STRBP: variants seen among roughly 807,000 people sequenced by gnomAD.
STRBP encodes spermatid perinuclear RNA binding protein.
A neutral mutation model predicts 80.1 loss-of-function variants in STRBP; 13 were observed. The observed-to-expected ratio is 0.16, with a 90% CI of 0.11 to 0.26. STRBP has a LOEUF of 0.26. Among genes scored for constraint, STRBP ranks in the 10% least tolerant of loss-of-function variants. The probability of loss-of-function intolerance (pLI) is 1.00; values close to 1 mark genes in which losing one functional copy is unlikely to be tolerated. For synonymous variants in STRBP, 284 were observed against 291.2 expected (o/e 0.98, Z 0.25); for missense variants, 485 against 815.2 (o/e 0.59, Z 4.93).
chr9:123,218,457 C>T (rs1314377510), intron 2 of STRBP, among the ~76,000 whole-genome samples: 2 of 149,286 alleles, frequency 1.3e-5, no homozygotes, highest in South Asian at 2.1e-4. Context: ...GCAAGCTCCG[C>T]CTCCCGGGTT....
chr9:123,267,370 C>T (rs1456023129), intron 1 of STRBP, among the ~76,000 whole-genome samples: 1 of 152,012 alleles, frequency 6.6e-6, no homozygotes, highest in Non-Finnish European at 1.5e-5. Context: ...TCACCCTTCT[C>T]CTACTGTCCC....
chr9:123,158,284 G>A lies in STRBP; in HGVS notation c.933+48C>T. 5 of 1,589,912 alleles carry A rather than the reference G, an allele frequency of 3.1e-6. No individual in the cohort carries two copies. In the South Asian group the frequency reaches 4.4e-5, roughly 14 times the overall value. The stretch of plus-strand genomic sequence containing the variant: ...GTTTGAACACAATTGAGAAAATTAA[G>A]TTATGTTATTTCACTAATAAGTCAG... On this transcript the variant is annotated intron_variant, in intron 10 of 18. Transcript: ENST00000348403.
At chr9:123,140,140 T>A (rs140722419) in intron 13 of STRBP, among the ~76,000 whole-genome samples, 83 of 152,334 alleles carry the variant, frequency 5.4e-4, no homozygotes, top group African/African-American at 1.9e-3. Flanking sequence ...AAGACTATAC[T>A]GGTTGACCTC....
intron 1 of STRBP, among the ~76,000 whole-genome samples, chr9:123,267,398 C>T (rs991823873): frequency 9.2e-5 from 14 of 151,920 alleles, no homozygotes; most frequent in African/African-American, 3.4e-4. Flanking sequence ...CTCTGCAAGC[C>T]CTCAAACTAA....
intron 11 of STRBP, among the ~76,000 whole-genome samples, chr9:123,157,005 A>T (rs144759327): frequency 1.3e-5 from 2 of 152,174 alleles, no homozygotes; most frequent in African/African-American, 4.8e-5. Flanking sequence ...GCAACAAGTC[A>T]GGCATTTTAA....
chr9:123,168,548 T>C (rs1588033554), intron 6 of STRBP, among the ~76,000 whole-genome samples: 2 of 152,230 alleles, frequency 1.3e-5, no homozygotes, highest in Non-Finnish European at 2.9e-5. Flanking sequence ...CTGGTACCTT[T>C]TTCTCTACCC....
chr9:123,179,588 C>T (rs969106703), intron 3 of STRBP, among the ~76,000 whole-genome samples: 1 of 151,762 alleles, frequency 6.6e-6, no homozygotes, highest in South Asian at 2.1e-4. Context: ...CCAGCCTGGC[C>T]GACATGGTAA....
At chr9:123,161,855 C>T (rs917012538) in intron 6 of STRBP, among the ~76,000 whole-genome samples, 5 of 152,184 alleles carry the variant, frequency 3.3e-5, no homozygotes, top group Non-Finnish European at 7.3e-5. Flanking sequence ...TCACATGACA[C>T]TAAAGTCAAG....
chr9:123,200,824 G>A lies in STRBP; in HGVS notation c.-164-16526C>T, dbSNP rs558257423. Among the ~76,000 whole-genome samples the A allele has an allele frequency of 1.8e-4, 23 of 129,680 alleles. No homozygotes were observed. The South Asian group carries it at 4.7e-3, about 26-fold the overall frequency. 85.1% of individuals were successfully genotyped at this position (129,680 alleles called of 152,430 possible). On this transcript the variant is annotated intron_variant, in intron 2 of 18. Transcript: ENST00000348403. ...TCTCGATGTCCTGACCTCATGAGCC[G>A]CCCGCCTCGGCCTCCCAACATGCTG...
intron 4 of STRBP, among the ~76,000 whole-genome samples, chr9:123,176,731 C>CA (rs2038236185): frequency 6.6e-6 from 1 of 151,980 alleles, no homozygotes; most frequent in Non-Finnish European, 1.5e-5. Flanking sequence ...CATGATTGAG[C>CA]AAAAAATCAA....
At chr9:123,127,689 C>T (rs1387415190) in intron 18 of STRBP, among the ~76,000 whole-genome samples, 1 of 152,210 alleles carries the variant, frequency 6.6e-6, no homozygotes, top group Non-Finnish European at 1.5e-5. Context: ...AGTAAGACTG[C>T]TGGTGAAACC....
chr9:123,207,276 A>G (rs1388529304), intron 2 of STRBP, among the ~76,000 whole-genome samples: 1 of 152,222 alleles, frequency 6.6e-6, no homozygotes, highest in Non-Finnish European at 1.5e-5. Context: ...ATCACAAAAT[A>G]CTGGCAATCT....
At position 123,133,367 on chromosome 9, in the gene STRBP, G is replaced by A. The variant is rs553798962; in HGVS notation, c.1774-399C>T. 1.7e-4 allele frequency among the ~76,000 whole-genome samples: 26 copies of A among 152,256 alleles called. No individual in the cohort carries two copies. The South Asian group carries it at 3.9e-3, about 23-fold the overall frequency. Reference sequence around the variant, plus strand: ...CAACTAATTACATAGAATTAACTGCGAATCTGAGTGGGGCTAGTGGGGGGA... The same window carrying A: ...CAACTAATTACATAGAATTAACTGCAAATCTGAGTGGGGCTAGTGGGGGGA... On this transcript the variant is annotated intron_variant, in intron 16 of 18. Coordinates refer to ENST00000348403, the MANE Select transcript of STRBP (RefSeq NM_018387.5).
intron 17 of STRBP, among the ~76,000 whole-genome samples, chr9:123,129,050 T>C (rs2036018644): frequency 6.6e-6 from 1 of 152,174 alleles, no homozygotes. Flanking sequence ...TAGATATAGG[T>C]AATATGTAGA....
In STRBP at chr9:123,122,024, T is replaced by C. The variant is rs2035750638; in HGVS notation, c.*3573A>G. The C allele has an allele frequency of 4.9e-6, 1 of 203,848 alleles. No individual in the cohort carries two copies. Among genetic ancestry groups the C allele is most frequent in the South Asian group, 8.1e-5 (1 of 12,272 alleles). The allele number at this position is 203,848 out of a possible 1,614,324, so 12.6% of individuals were successfully genotyped here. A position where few individuals can be genotyped will look rare whatever the true frequency, so the allele number is the denominator to read the frequency against. On this transcript the variant is annotated 3_prime_UTR_variant, in exon 19 of 19. Coordinates refer to ENST00000348403, the MANE Select transcript of STRBP (RefSeq NM_018387.5). ...TGAGTAAAAAGCAGTTACAAGGGTA[T>C]TAAAACAAATGTTGAAAAATAACTA...
chr9:123,223,105 G>A (rs2040124500), intron 2 of STRBP, among the ~76,000 whole-genome samples: 1 of 149,514 alleles, frequency 6.7e-6, no homozygotes, highest in South Asian at 2.1e-4. Context: ...ATAAAAATGA[G>A]CTCATCTAAA....
At chr9:123,159,345 T>C in intron 8 of STRBP, 138 bp from the exon 9 acceptor site, 1 of 532,178 alleles carries the variant, frequency 1.9e-6, no homozygotes, top group Non-Finnish European at 3.2e-6. Context: ...ACTTAACATT[T>C]TCCCCATGAT....
intron 16 of STRBP, among the ~76,000 whole-genome samples, chr9:123,134,771 C>T (rs1320636359): frequency 6.6e-6 from 1 of 151,948 alleles, no homozygotes; most frequent in Non-Finnish European, 1.5e-5. Context: ...ATTAACTGAC[C>T]AAACATAAGA....
intron 2 of STRBP, among the ~76,000 whole-genome samples, chr9:123,236,275 AC>A (rs1255671313): frequency 1.3e-5 from 2 of 152,216 alleles, no homozygotes; most frequent in Non-Finnish European, 2.9e-5. Flanking sequence ...TAAGAAAAAA[AC>A]ATTAAGTGCC....
Sources: allele counts gnomAD v4.1 joint callset (sites outside exome capture counted in the v4.1 genomes callset), GRCh38; gene constraint gnomAD v4.1.1; transcripts MANE v1.5; gene names NCBI Gene and HGNC (gene_info 2026-07-23, HGNC 2026-07-21).